The following NPLOC4 variants were observed in gnomAD, a reference collection of about 807,000 sequenced individuals.
The protein encoded by NPLOC4 is nuclear protein localization protein 4 homolog.
NPLOC4 carries 18 observed loss-of-function variants against 80.6 expected under a neutral mutation model. The ratio of observed to expected loss-of-function variants is 0.22; its 90% CI spans 0.15 to 0.33. The LOEUF is 0.33. Among genes scored for constraint, NPLOC4 ranks in the 10% least tolerant of loss-of-function variants. NPLOC4 has a pLI of 1.00. For missense variants in NPLOC4, 540 were observed against 786.1 expected, an observed-to-expected ratio of 0.69 and a Z score of 3.74; for synonymous variants, 313 against 301.5, an observed-to-expected ratio of 1.04 and a Z score of -0.39.
intron 12 of NPLOC4, among the ~76,000 whole-genome samples, chr17:81,585,468 C>T (rs1433857887): frequency 1.3e-5 from 2 of 151,992 alleles, no homozygotes; most frequent in Non-Finnish European, 2.9e-5. Flanking sequence ...TTGAGACCAT[C>T]CTGGCCAACA....
chr17:81,584,659 T>C (rs1035604563), intron 12 of NPLOC4, among the ~76,000 whole-genome samples: 1 of 152,180 alleles, frequency 6.6e-6, no homozygotes, highest in African/African-American at 2.4e-5. Context: ...TGCGAAAGAC[T>C]AAACTTATAA....
At position 81,567,376 on chromosome 17, in the gene NPLOC4, A is replaced by G. The variant is rs757139572; in HGVS notation, c.1566+41T>C. On this transcript the variant is annotated intron_variant, in intron 15 of 16. Transcript: ENST00000331134. The surrounding 1 kb of genome is among the most constrained non-coding windows in gnomAD (Gnocchi z 4.5). ...AGACACAGGCGTCTCTTTGCAGCCA[A>G]AGCCCACTTGCTCAAGTGGACACCA... 1 of 1,260,030 alleles carries G rather than the reference A, an allele frequency of 7.9e-7. No individual in the cohort carries two copies. The highest frequency in any genetic ancestry group is 1.2e-6 in the Non-Finnish European group (1 of 865,804). The allele number at this position is 1,260,030 out of a possible 1,614,324, so 78.1% of individuals were successfully genotyped here.
At chr17:81,630,940 A>G (rs1048752151) in intron 1 of NPLOC4, among the ~76,000 whole-genome samples, 2 of 152,144 alleles carry the variant, frequency 1.3e-5, no homozygotes, top group Non-Finnish European at 2.9e-5. Flanking sequence ...TGGGAGGCCA[A>G]TGCGGGCAGA....
At chr17:81,587,338 C>T (rs909100111) in intron 12 of NPLOC4, among the ~76,000 whole-genome samples, 3 of 151,420 alleles carry the variant, frequency 2.0e-5, no homozygotes, top group Middle Eastern at 3.4e-3. Context: ...TTTTTTGAGA[C>T]GGAGTCTTGC....
intron 5 of NPLOC4, 70 bp downstream of exon 5, chr17:81,610,140 A>T: frequency 7.1e-7 from 1 of 1,401,552 alleles, no homozygotes; most frequent in Non-Finnish European, 9.9e-7. Flanking sequence ...ACTCAGGGCA[A>T]GCACTTAAGA....
chr17:81,589,313 G>A lies in NPLOC4; in HGVS notation c.1121-209C>T, dbSNP rs539683683. On this transcript the variant is annotated intron_variant, in intron 11 of 16. Coordinates refer to ENST00000331134, the MANE Select transcript of NPLOC4 (RefSeq NM_017921.4). ...TGGGAGGCTGAGACAGGCGGATCAC[G>A]AGGTCAGGAGATCGAGACCATCCCG... 1.1e-4 allele frequency among the ~76,000 whole-genome samples: 16 copies of A among 152,178 alleles called. No individual in the cohort carries two copies. The South Asian group carries it at 1.2e-3, about 12-fold the overall frequency.
intron 16 of NPLOC4, chr17:81,563,450 C>CTCCT (rs1415239631): frequency 2.6e-5 from 4 of 156,120 alleles, no homozygotes; most frequent in African/African-American, 9.7e-5. Flanking sequence ...CATGTTTATA[C>CTCCT]TCCTAGGTAC....
At chr17:81,613,143 A>AC in intron 4 of NPLOC4, 175 bp downstream of exon 4, 1 of 540,376 alleles carries the variant, frequency 1.9e-6, no homozygotes, top group Non-Finnish European at 2.9e-6. Flanking sequence ...AAAAAAACAA[A>AC]AACCGATAAA....
chr17:81,618,328 G>A (rs1341338853), intron 3 of NPLOC4, among the ~76,000 whole-genome samples: 3 of 150,716 alleles, frequency 2.0e-5, no homozygotes, highest in African/African-American at 7.3e-5. Context: ...GGGATGTGAG[G>A]AGCGCCTCTG....
chr17:81,569,239 G>A, intron 13 of NPLOC4, 128 bp from the exon 14 acceptor site: 1 of 638,842 alleles, frequency 1.6e-6, no homozygotes, highest in East Asian at 2.7e-5. Context: ...TGTTCTACAA[G>A]CTCTCCATCA....
chr17:81,597,951 C>T (rs1253053739), intron 9 of NPLOC4, among the ~76,000 whole-genome samples: 11 of 145,226 alleles, frequency 7.6e-5, no homozygotes, highest in South Asian at 2.2e-4. Flanking sequence ...AAAAATTAGC[C>T]GGGCGTGGTG....
At chr17:81,595,665 T>A (rs2034890476) in intron 11 of NPLOC4, among the ~76,000 whole-genome samples, 1 of 151,420 alleles carries the variant, frequency 6.6e-6, no homozygotes, top group South Asian at 2.1e-4. Flanking sequence ...CTGCCTCAGC[T>A]CCTTGAGTAG....
At chr17:81,618,582 G>A in intron 3 of NPLOC4, among the ~76,000 whole-genome samples, 1 of 69,560 alleles carries the variant, frequency 1.4e-5, no homozygotes, top group Non-Finnish European at 2.6e-5. Flanking sequence ...CGGGAGGGAG[G>A]TGGGGGGTCA....
chr17:81,624,690 C>G (rs1473321447), intron 2 of NPLOC4, among the ~76,000 whole-genome samples: 1 of 152,162 alleles, frequency 6.6e-6, no homozygotes, highest in Non-Finnish European at 1.5e-5. Context: ...TCGAAATAAG[C>G]ACTACGACAG....
rs1250729187 is a variant in NPLOC4, at chr17:81,567,329, T to A, written c.1566+88A>T. The A allele has an allele frequency of 1.3e-6, 1 of 791,886 alleles. No individual in the cohort carries two copies. The highest frequency in any genetic ancestry group is 1.7e-5 in the African/African-American group (1 of 58,230). The allele number at this position is 791,886 out of a possible 1,614,324, so 49.1% of individuals were successfully genotyped here. ...TTGACCCAGTTTCCCAATCATGCTCTGGTCTGGGAGGAAAGAAAGCAAGAC... is the reference window on the plus strand; with the variant it reads ...TTGACCCAGTTTCCCAATCATGCTCAGGTCTGGGAGGAAAGAAAGCAAGAC... On this transcript the variant is annotated intron_variant, in intron 15 of 16. Transcript: ENST00000331134. The surrounding 1 kb of genome is among the most constrained non-coding windows in gnomAD (Gnocchi z 4.5).
chr17:81,603,643 T>G (rs1760442017), intron 8 of NPLOC4, among the ~76,000 whole-genome samples: 1 of 152,084 alleles, frequency 6.6e-6, no homozygotes, highest in Admixed American at 6.6e-5. Context: ...ACAGCTAATT[T>G]AAAGAATTTT....
At chr17:81,628,009 A>G (rs898349037) in intron 2 of NPLOC4, among the ~76,000 whole-genome samples, 14 of 152,032 alleles carry the variant, frequency 9.2e-5, no homozygotes, top group Middle Eastern at 6.8e-3. Flanking sequence ...TCAGGAGATG[A>G]AGACCATCCT....
intron 11 of NPLOC4, among the ~76,000 whole-genome samples, chr17:81,591,200 C>T (rs1486665068): frequency 1.3e-5 from 2 of 151,870 alleles, no homozygotes; most frequent in South Asian, 2.1e-4. Flanking sequence ...TTTGGGAGGC[C>T]GAGGCAGGCA....
At chr17:81,560,914 G>GT (rs2033831784) in intron 16 of NPLOC4, 1 of 152,114 alleles carries the variant, frequency 6.6e-6, no homozygotes, top group Non-Finnish European at 1.5e-5. Context: ...TGATGAATGT[G>GT]TAACGGCTTC....
Sources: allele counts gnomAD v4.1 joint callset (sites outside exome capture counted in the v4.1 genomes callset), GRCh38; gene constraint gnomAD v4.1.1; non-coding constraint Gnocchi (gnomAD v3.1); transcripts MANE v1.5; gene names NCBI Gene and HGNC (gene_info 2026-07-23, HGNC 2026-07-21).